OLFM3: variants seen among roughly 807,000 people sequenced by gnomAD.
OLFM3 encodes the protein noelin-3.
OLFM3 carries 20 observed loss-of-function variants against 48.6 expected under a neutral mutation model. The ratio of observed to expected loss-of-function variants is 0.41; its 90% confidence interval spans 0.29 to 0.60. OLFM3 has a LOEUF of 0.60. Ranked by LOEUF, OLFM3 falls within the 20% of genes least tolerant of loss-of-function variation. The pLI, the probability that OLFM3 is intolerant of heterozygous loss-of-function variation, is 0.28. For synonymous variants in OLFM3, 222 were observed against 198.1 expected (o/e 1.12, Z -1.01); for missense variants, 437 against 544.3 (o/e 0.80, Z 1.96).
chr1:101,879,763 G>A (rs1657444773), intron 1 of OLFM3, among the ~76,000 whole-genome samples: 1 of 151,746 alleles, frequency 6.6e-6, no homozygotes, highest in African/African-American at 2.4e-5. Flanking sequence ...AGTGATGCAA[G>A]GTTTACTTGG....
intron 1 of OLFM3, among the ~76,000 whole-genome samples, chr1:101,886,482 G>A (rs1657766616): frequency 1.3e-5 from 2 of 151,972 alleles, no homozygotes; most frequent in Admixed American, 1.3e-4. Flanking sequence ...ATATAGTTCA[G>A]TCACAAAGCA....
At chr1:101,963,960 T>A (rs74618807) in intron 1 of OLFM3, among the ~76,000 whole-genome samples, 1 of 152,220 alleles carries the variant, frequency 6.6e-6, no homozygotes, top group East Asian at 1.9e-4. Context: ...TCCTTATTCA[T>A]GTTAATATCA....
intron 1 of OLFM3, among the ~76,000 whole-genome samples, chr1:101,882,340 A>G (rs1367679619): frequency 1.4e-5 from 2 of 146,782 alleles, no homozygotes; most frequent in Non-Finnish European, 3.0e-5. Flanking sequence ...TAATATATAT[A>G]TATATATATA....
At chr1:101,948,573 T>A (rs1384319273) in intron 1 of OLFM3, among the ~76,000 whole-genome samples, 3 of 152,110 alleles carry the variant, frequency 2.0e-5, no homozygotes, top group Admixed American at 1.3e-4. Context: ...CCTTACATTA[T>A]TGGTGATTTC....
At chr1:101,916,679 C>T (rs1981275) in intron 1 of OLFM3, among the ~76,000 whole-genome samples, 65,773 of 151,938 alleles carry the variant, frequency 0.43, 14,335 homozygotes, top group East Asian at 0.59. Flanking sequence ...ATATTGAAAG[C>T]AGCAGATGGG....
chr1:101,949,931 G>GAA lies in OLFM3; in HGVS notation c.69+46815_69+46816dup, dbSNP rs71088114. The stretch of plus-strand genomic sequence containing the variant: ...TGGGCAACAGAGCAAGACTCCGTCT[G>GAA]AAAAAAAAAAAAAAAAAGCCTCTGA... On this transcript the variant is annotated intron_variant, in intron 1 of 5. Coordinates refer to ENST00000370103, the MANE Select transcript of OLFM3 (RefSeq NM_058170.4). Among the ~76,000 whole-genome samples the GAA allele has an allele frequency of 3.0e-4, 16 of 53,366 alleles. 3 individuals carry two copies. Among genetic ancestry groups the GAA allele is most frequent in the African/African-American group, 3.7e-4 (5 of 13,550 alleles). 35.0% of individuals were successfully genotyped at this position (53,366 alleles called of 152,430 possible).
intron 1 of OLFM3, among the ~76,000 whole-genome samples, chr1:101,967,068 A>C (rs1351851647): frequency 1.3e-5 from 2 of 152,094 alleles, no homozygotes. Flanking sequence ...ATTTATATTA[A>C]ACTTCCTCCA....
At chr1:101,983,964 A>T (rs1215486211) in intron 1 of OLFM3, among the ~76,000 whole-genome samples, 2 of 152,196 alleles carry the variant, frequency 1.3e-5, no homozygotes, top group Admixed American at 1.3e-4. Context: ...CATTGTATTG[A>T]ATCACGGGTA....
chr1:101,832,597 T>C (rs1655214824), intron 2 of OLFM3, among the ~76,000 whole-genome samples: 1 of 152,190 alleles, frequency 6.6e-6, no homozygotes, highest in Non-Finnish European at 1.5e-5. Context: ...CTTTGTGAGC[T>C]CCATGAGGTT....
rs75913103 is a variant in OLFM3 at position 101,856,839 on chromosome 1, G to A, written c.70-19814C>T. Among the ~76,000 whole-genome samples, 213 of 152,046 alleles carry A rather than the reference G, an allele frequency of 1.4e-3. 2 individuals are homozygous for A. The East Asian group carries it at 0.032, about 23-fold the overall frequency. On this transcript the variant is annotated intron_variant, in intron 1 of 5. Coordinates refer to ENST00000370103, the MANE Select transcript of OLFM3 (RefSeq NM_058170.4). ...ACTGGGATTGTAACAGAATACAAGT[G>A]ATTATGTATATTGGATTCAAATAGT... is the stretch of plus-strand genomic sequence containing the variant.
chr1:101,883,286 T>C (rs1425309247), intron 1 of OLFM3, among the ~76,000 whole-genome samples: 1 of 149,688 alleles, frequency 6.7e-6, no homozygotes, highest in Non-Finnish European at 1.5e-5. Flanking sequence ...TACAGTTATA[T>C]ATATACTATA....
intron 1 of OLFM3, among the ~76,000 whole-genome samples, chr1:101,920,481 G>A (rs551235836): frequency 5.8e-4 from 88 of 152,280 alleles, no homozygotes; most frequent in African/African-American, 1.8e-3. Flanking sequence ...TTAAATAGGT[G>A]AACATATTTT....
At chr1:101,956,103 T>TTTTTTTTTTTTTTTA (rs781231551) in intron 1 of OLFM3, among the ~76,000 whole-genome samples, 2 of 143,256 alleles carry the variant, frequency 1.4e-5, no homozygotes, top group East Asian at 2.1e-4. Flanking sequence ...TTTTTTTTTT[T>TTTTTTTTTTTTTTTA]AAAAAAAACC....
chr1:101,824,984 A>G (rs374582086), intron 4 of OLFM3, 42 bp downstream of exon 4: 19 of 1,530,754 alleles, frequency 1.2e-5, no homozygotes, highest in African/African-American at 8.2e-5. Context: ...CTTTGAAACT[A>G]TATAAAAACG....
intron 1 of OLFM3, among the ~76,000 whole-genome samples, chr1:101,859,361 G>A (rs1461690211): frequency 3.3e-5 from 5 of 151,978 alleles, no homozygotes; most frequent in South Asian, 2.1e-4. Context: ...GTAGTTAGGC[G>A]GCCATTTCAG....
rs534434214 is a variant in OLFM3 at position 101,913,790 on chromosome 1, C to A, written c.70-76765G>T. On this transcript the variant is annotated intron_variant, in intron 1 of 5. Coordinates refer to ENST00000370103, the MANE Select transcript of OLFM3 (RefSeq NM_058170.4). Reference sequence around the variant, plus strand: ...GCAATAACCCCCATCATCATTAAGACTGGAAATCATCTAAAAATTTATCAA... The same window carrying A: ...GCAATAACCCCCATCATCATTAAGAATGGAAATCATCTAAAAATTTATCAA... 3.3e-5 allele frequency among the ~76,000 whole-genome samples: 5 copies of A among 151,948 alleles called. No homozygotes were observed. The South Asian group carries it at 1.0e-3, about 32-fold the overall frequency.
chr1:101,965,238 T>C (rs558631593), intron 1 of OLFM3, among the ~76,000 whole-genome samples: 1 of 152,242 alleles, frequency 6.6e-6, no homozygotes, highest in African/African-American at 2.4e-5. Context: ...CAATAGTATA[T>C]AAACCCCCAG....
At chr1:101,891,936 A>C (rs952951722) in intron 1 of OLFM3, among the ~76,000 whole-genome samples, 2 of 151,990 alleles carry the variant, frequency 1.3e-5, no homozygotes, top group Admixed American at 1.3e-4. Flanking sequence ...CATTTACCTA[A>C]TACTTAGTTC....
At chr1:101,846,863 C>T (rs772117586) in intron 1 of OLFM3, 16 of 1,611,854 alleles carry the variant, frequency 9.9e-6, no homozygotes, top group South Asian at 6.6e-5. Flanking sequence ...CCGGAGTCGA[C>T]AGCCTCGTGG....
Sources: gnomAD v4.1 joint callset for allele counts (sites outside exome capture counted in the v4.1 genomes callset) on GRCh38, gnomAD v4.1.1 for gene constraint, MANE v1.5 for transcripts, NCBI Gene and HGNC (gene_info 2026-07-23, HGNC 2026-07-21) for gene names.